DCLK1: variants seen among roughly 807,000 people sequenced by gnomAD.
DCLK1 encodes the protein serine/threonine-protein kinase DCLK1.
DCLK1 carries 16 observed loss-of-function variants against 86.2 expected under a neutral mutation model. The ratio of observed to expected loss-of-function variants is 0.19; its 90% confidence interval spans 0.13 to 0.28. The LOEUF is 0.28. Among genes scored for constraint, DCLK1 ranks in the 10% least tolerant of loss-of-function variants. The probability of loss-of-function intolerance (pLI) is 1.00; values close to 1 mark genes in which losing one functional copy is unlikely to be tolerated. For synonymous variants in DCLK1, 369 were observed against 370.5 expected (o/e 1.00, Z 0.05); for missense variants, 590 against 940.2 (o/e 0.63, Z 4.87).
At chr13:35,805,381 C>T (rs2087003485) in intron 15 of DCLK1, 1 of 267,970 alleles carries the variant, frequency 3.7e-6, no homozygotes, top group African/African-American at 2.2e-5. Flanking sequence ...ACTACCACCT[C>T]TGGTTTCCAG....
At chr13:35,861,407 T>C (rs1871374328) in intron 5 of DCLK1, among the ~76,000 whole-genome samples, 1 of 152,144 alleles carries the variant, frequency 6.6e-6, no homozygotes, top group South Asian at 2.1e-4. Flanking sequence ...ATGAGGGTCC[T>C]GGGGTTGATC....
intron 3 of DCLK1, among the ~76,000 whole-genome samples, chr13:36,104,139 G>A (rs1885311558): frequency 6.6e-6 from 1 of 152,088 alleles, no homozygotes; most frequent in Non-Finnish European, 1.5e-5. Context: ...CGCTGCAGAG[G>A]GCACCATCAT....
chr13:35,871,026 T>G (rs914464751), intron 5 of DCLK1, among the ~76,000 whole-genome samples, 198 bp downstream of exon 5: 4 of 152,194 alleles, frequency 2.6e-5, no homozygotes, highest in Non-Finnish European at 2.9e-5. Flanking sequence ...CTAAGTACAT[T>G]TTTTGAAGCT....
At chr13:35,787,153 C>T (rs1380660783) in intron 16 of DCLK1, among the ~76,000 whole-genome samples, 1 of 151,400 alleles carries the variant, frequency 6.6e-6, no homozygotes, top group Non-Finnish European at 1.5e-5. Flanking sequence ...CATATATACA[C>T]ACATACATAT....
chr13:35,898,402 A>T (rs1467362198), intron 4 of DCLK1, among the ~76,000 whole-genome samples: 1 of 152,244 alleles, frequency 6.6e-6, no homozygotes, highest in East Asian at 1.9e-4. Flanking sequence ...ATGCATTTAA[A>T]TGGAAATGTC....
At chr13:35,801,032 C>A (rs964075692) in intron 15 of DCLK1, among the ~76,000 whole-genome samples, 5 of 152,052 alleles carry the variant, frequency 3.3e-5, no homozygotes, top group African/African-American at 1.2e-4. Flanking sequence ...CCAAGACTGC[C>A]TTTTCAATTC....
chr13:35,787,484 C>T lies in DCLK1; in HGVS notation c.2058+5882G>A, dbSNP rs903287430. On this transcript the variant is annotated intron_variant, in intron 16 of 16. Transcript: ENST00000360631. ...CAGGGCAGTTGACTGGAATAGAAAA[C>T]GATTGGATAGAATTCTTAACCCAGT... Among the ~76,000 whole-genome samples, 5 of 151,962 alleles carry T rather than the reference C, an allele frequency of 3.3e-5. No homozygotes were observed. The East Asian group carries it at 5.8e-4, about 18-fold the overall frequency.
At chr13:35,881,769 C>A (rs191660684) in intron 4 of DCLK1, among the ~76,000 whole-genome samples, 1 of 152,064 alleles carries the variant, frequency 6.6e-6, no homozygotes, top group Non-Finnish European at 1.5e-5. Context: ...CTTGAGCTGA[C>A]CATAAAACAA....
intron 3 of DCLK1, among the ~76,000 whole-genome samples, chr13:36,090,183 T>C (rs895067681): frequency 6.6e-6 from 1 of 152,196 alleles, no homozygotes; most frequent in African/African-American, 2.4e-5. Flanking sequence ...TGGCAAAGTA[T>C]AAAGACAAAA....
At chr13:36,051,426 A>G (rs1029529764) in intron 3 of DCLK1, among the ~76,000 whole-genome samples, 3 of 152,052 alleles carry the variant, frequency 2.0e-5, no homozygotes, top group African/African-American at 7.2e-5. Flanking sequence ...CCAAAAGATT[A>G]TTTTCCTTTA....
At chr13:36,086,453 T>A (rs1205804373) in intron 3 of DCLK1, among the ~76,000 whole-genome samples, 2 of 38,554 alleles carry the variant, frequency 5.2e-5, no homozygotes, top group Non-Finnish European at 1.1e-4. Flanking sequence ...CCTCAACAGC[T>A]TTTTTTTTTT....
intron 4 of DCLK1, among the ~76,000 whole-genome samples, chr13:35,932,919 C>T (rs560689157): frequency 6.6e-6 from 1 of 152,342 alleles, no homozygotes; most frequent in African/African-American, 2.4e-5. Context: ...CAAAAGTCCA[C>T]AGTCCAAAGT....
chr13:36,005,291 A>G (rs1338522846), intron 3 of DCLK1, among the ~76,000 whole-genome samples: 1 of 152,252 alleles, frequency 6.6e-6, no homozygotes, highest in African/African-American at 2.4e-5. Context: ...AATAAAAGGT[A>G]TCTATTCTGA....
At chr13:35,909,307 G>A (rs1262222280) in intron 4 of DCLK1, among the ~76,000 whole-genome samples, 1 of 152,118 alleles carries the variant, frequency 6.6e-6, no homozygotes, top group African/African-American at 2.4e-5. Flanking sequence ...CTCCAAAGAG[G>A]GTGTGAGAAA....
intron 4 of DCLK1, among the ~76,000 whole-genome samples, chr13:35,887,098 ACT>A (rs1359304904): frequency 6.6e-6 from 1 of 152,174 alleles, no homozygotes; most frequent in Non-Finnish European, 1.5e-5. Context: ...GCAAAATGAG[ACT>A]CTGTCTTCAT....
At chr13:36,107,449 G>A (rs1439808069) in intron 3 of DCLK1, among the ~76,000 whole-genome samples, 2 of 150,862 alleles carry the variant, frequency 1.3e-5, no homozygotes, top group African/African-American at 2.5e-5. Context: ...AAAGTACATG[G>A]CCTATGTGAA....
intron 4 of DCLK1, among the ~76,000 whole-genome samples, chr13:35,926,161 C>T (rs1038705029): frequency 7.2e-5 from 11 of 151,986 alleles, no homozygotes; most frequent in East Asian, 1.9e-4. Flanking sequence ...CAGGTTCAAG[C>T]GATTCTCCTG....
At chr13:35,849,610 T>C (rs1870461129) in intron 6 of DCLK1, 1 of 978,746 alleles carries the variant, frequency 1.0e-6, no homozygotes, top group Admixed American at 6.2e-5. Flanking sequence ...GACTATAATT[T>C]TTAAAATAGA....
At chr13:36,036,350 C>A (rs979284834) in intron 3 of DCLK1, among the ~76,000 whole-genome samples, 4 of 152,180 alleles carry the variant, frequency 2.6e-5, no homozygotes, top group African/African-American at 9.7e-5. Context: ...CTTCAATAAA[C>A]CCTGCTGTCC....
Sources: allele counts gnomAD v4.1 joint callset (sites outside exome capture counted in the v4.1 genomes callset), GRCh38; gene constraint gnomAD v4.1.1; transcripts MANE v1.5; gene names NCBI Gene and HGNC (gene_info 2026-07-23, HGNC 2026-07-21).